The following NRP1 variants were observed in gnomAD, a reference collection of about 807,000 sequenced individuals.
The protein encoded by NRP1 is neuropilin-1.
A neutral mutation model predicts 106.7 loss-of-function variants in NRP1; 35 were observed. The observed-to-expected ratio is 0.33, with a 90% CI of 0.25 to 0.43. The LOEUF (loss-of-function observed/expected upper bound fraction) is 0.43, where lower values mean the gene tolerates loss of function less well. Ranked by LOEUF, NRP1 falls within the 20% of genes least tolerant of loss-of-function variation. The pLI is 1.00. For synonymous variants in NRP1, 437 were observed against 417.9 expected, an observed-to-expected ratio of 1.05 and a Z score of -0.56; for missense variants, 1,024 against 1,170.4, an observed-to-expected ratio of 0.87 and a Z score of 1.83.
chr10:33,265,314 C>T (rs11819443), intron 3 of NRP1, among the ~76,000 whole-genome samples: 13,787 of 152,174 alleles, frequency 0.091, 807 homozygotes, highest in Non-Finnish European at 0.12. Flanking sequence ...TTCAGTTCAA[C>T]AACTCTTTTC....
At chr10:33,233,621 A>G (rs1416032096) in intron 6 of NRP1, among the ~76,000 whole-genome samples, 1 of 152,216 alleles carries the variant, frequency 6.6e-6, no homozygotes, top group East Asian at 1.9e-4. Flanking sequence ...GTCTTACTCA[A>G]TAAATTACTG....
intron 6 of NRP1, among the ~76,000 whole-genome samples, chr10:33,246,064 A>AT (rs914944956): frequency 1.3e-5 from 2 of 151,856 alleles, no homozygotes; most frequent in East Asian, 1.9e-4. Flanking sequence ...CATTGCACTG[A>AT]TTTTTTAAGC....
intron 6 of NRP1, among the ~76,000 whole-genome samples, chr10:33,246,039 T>G (rs770191242): frequency 1.8e-4 from 27 of 152,136 alleles, no homozygotes; most frequent in Non-Finnish European, 3.8e-4. Flanking sequence ...TGTGTTGACA[T>G]GAAATTAGTA....
At chr10:33,305,854 C>A (rs139368976) in intron 2 of NRP1, among the ~76,000 whole-genome samples, 1 of 151,864 alleles carries the variant, frequency 6.6e-6, no homozygotes, top group African/African-American at 2.4e-5. Context: ...CTGCAACTTC[C>A]GCCTCCTGGG....
At chr10:33,236,993 C>A (rs1457105066) in intron 6 of NRP1, among the ~76,000 whole-genome samples, 1 of 151,652 alleles carries the variant, frequency 6.6e-6, no homozygotes, top group African/African-American at 2.4e-5. Context: ...TTTTTTCACA[C>A]TCCTGGTCTT....
At chr10:33,297,868 G>C (rs1263287991) in intron 2 of NRP1, among the ~76,000 whole-genome samples, 1 of 151,762 alleles carries the variant, frequency 6.6e-6, no homozygotes, top group African/African-American at 2.4e-5. Flanking sequence ...GTTAGATGGG[G>C]GTATGGTCTC....
chr10:33,189,139 AAC>A (rs57366065), intron 13 of NRP1, among the ~76,000 whole-genome samples: 5,332 of 148,814 alleles, frequency 0.036, 308 homozygotes, highest in African/African-American at 0.12. Flanking sequence ...TGTCCTGCCA[AAC>A]ACACACACAC....
rs941004239 is a variant in NRP1, at chr10:33,263,699, C to A, written c.605G>T (p.Gly202Val). ...CCGGTCGTAGCGACAGAACATCCCCCCTGGAGGATTTGAGTCAGGCTCCAG... is the reference window on the plus strand; with the variant it reads ...CCGGTCGTAGCGACAGAACATCCCCACTGGAGGATTTGAGTCAGGCTCCAG... ...FDLEPDSNPP[G>V]GMFCRYDRLE... Residue 202 changes from glycine (G) to valine (V), a missense_variant, in exon 4 of 17, where the codon GGG (glycine) becomes GTG (valine). Gly to Val is a moderately radical substitution (Grantham distance 109). This residue lies in a region of NRP1 where 279 missense variants were observed against 327.4 expected (regional missense o/e 0.85). Transcript: ENST00000374867. 5 of 1,614,122 alleles carry A rather than the reference C, an allele frequency of 3.1e-6. No individual in the cohort carries two copies. The highest frequency in any genetic ancestry group is 2.2e-5 in the East Asian group (1 of 44,866).
chr10:33,255,314 T>C (rs1324159251), intron 5 of NRP1, among the ~76,000 whole-genome samples: 1 of 152,214 alleles, frequency 6.6e-6, no homozygotes, highest in Non-Finnish European at 1.5e-5. Flanking sequence ...ACTGGCCTCT[T>C]TATTTTCCAG....
rs560514029 is a variant in NRP1 at position 33,206,374 on chromosome 10, G to A, written c.1759+1198C>T. The stretch of plus-strand genomic sequence containing the variant: ...AGTGCCTGGATAATTTAGGGGTTTG[G>A]GACATGACTACAGATATGGAAACAA... On this transcript the variant is annotated intron_variant, in intron 10 of 16. Transcript: ENST00000374867. 1.7e-4 allele frequency: 86 copies of A among 516,984 alleles called. 1 individual carries two copies. The Middle Eastern group carries it at 3.8e-3, about 23-fold the overall frequency. The allele number at this position is 516,984 out of a possible 1,614,324, so 32.0% of individuals were successfully genotyped here. A position where few individuals can be genotyped will look rare whatever the true frequency, so the allele number is the denominator to read the frequency against.
At chr10:33,222,937 G>A (rs1168496131) in intron 7 of NRP1, among the ~76,000 whole-genome samples, 3 of 152,244 alleles carry the variant, frequency 2.0e-5, no homozygotes, top group Non-Finnish European at 4.4e-5. Flanking sequence ...GGGGGCTGCA[G>A]CAGCATTCTC....
chr10:33,289,388 C>T (rs1224109191), intron 2 of NRP1, among the ~76,000 whole-genome samples: 1 of 152,126 alleles, frequency 6.6e-6, no homozygotes, highest in African/African-American at 2.4e-5. Flanking sequence ...GGTATTACGT[C>T]TATAAATCCC....
Position 33,263,850 on chromosome 10 carries a change from T to C in NRP1, c.454A>G (p.Thr152Ala). ...GACTTTATCACTCCACTAGGTGTTG[T>C]GTAGTTCTGGGAACATTCAGGACCT... is the stretch of plus-strand genomic sequence containing the variant. ...KRGPECSQNY[T>A]TPSGVIKSPG... Residue 152 changes from threonine to alanine, a missense_variant, in exon 4 of 17, where the codon ACA becomes GCA. Thr to Ala is a moderately conservative substitution (Grantham distance 58). This residue lies in a region of NRP1 where 279 missense variants were observed against 327.4 expected (regional missense o/e 0.85). Transcript: ENST00000374867. 6.2e-7 allele frequency: 1 copy of C among 1,613,192 alleles called. No individual in the cohort carries two copies.
At chr10:33,319,868 G>A (rs1004383101) in intron 2 of NRP1, among the ~76,000 whole-genome samples, 3 of 151,608 alleles carry the variant, frequency 2.0e-5, no homozygotes, top group Non-Finnish European at 4.4e-5. Flanking sequence ...TTGCAGGCCT[G>A]AGCCACCGCG....
rs200521251 is a variant in NRP1 at position 33,270,865 on chromosome 10, C to G, written c.249-9G>C. On this transcript the variant is annotated splice_polypyrimidine_tract_variant and intron_variant, in intron 2 of 16. Coordinates refer to ENST00000374867, the MANE Select transcript of NRP1 (RefSeq NM_003873.7). ...CTTCCACGTAGTCATACCTAATACA[C>G]AAACATGGAAGAAAACATTAGGTTG... is the stretch of plus-strand genomic sequence containing the variant. 53 of 1,578,322 alleles carry G rather than the reference C, an allele frequency of 3.4e-5. No individual in the cohort carries two copies. The African/African-American group carries it at 6.1e-4, about 18-fold the overall frequency.
intron 6 of NRP1, among the ~76,000 whole-genome samples, chr10:33,227,787 T>C (rs1839789959): frequency 6.6e-6 from 1 of 152,082 alleles, no homozygotes. Context: ...TGGGAAGGAA[T>C]GGATTTAAGC....
chr10:33,259,009 T>C (rs572132590), intron 4 of NRP1, among the ~76,000 whole-genome samples: 1 of 152,226 alleles, frequency 6.6e-6, no homozygotes, highest in African/African-American at 2.4e-5. Flanking sequence ...CTTGGGGTCG[T>C]CCTCTGATCG....
At chr10:33,333,173 A>C (rs1426135811) in intron 1 of NRP1, among the ~76,000 whole-genome samples, 1 of 152,174 alleles carries the variant, frequency 6.6e-6, no homozygotes, top group Non-Finnish European at 1.5e-5. Context: ...CTTTCCTGCC[A>C]GATTATAGAA....
intron 15 of NRP1, 56 bp from the exon 16 acceptor site, chr10:33,182,804 C>T: frequency 5.1e-6 from 6 of 1,177,150 alleles, no homozygotes; most frequent in African/African-American, 3.0e-5. Flanking sequence ...AAATATAATG[C>T]ACCAAACTAC....
Sources: gnomAD v4.1 joint callset for allele counts (sites outside exome capture counted in the v4.1 genomes callset) on GRCh38, gnomAD v4.1.1 for gene constraint, gnomAD v4.1.1 regional missense constraint, MANE v1.5 for transcripts, NCBI Gene and HGNC (gene_info 2026-07-23, HGNC 2026-07-21) for gene names.